The following ITGA2B variants were observed in gnomAD, a reference collection of about 807,000 sequenced individuals.
ITGA2B encodes the protein integrin subunit alpha 2b, also known as integrin alpha-IIb.
A neutral mutation model predicts 142.0 loss-of-function variants in ITGA2B; 91 were observed. That is an observed-to-expected ratio of 0.64 (90% CI 0.54 to 0.76). ITGA2B has a LOEUF of 0.76. Among genes scored for constraint, ITGA2B ranks in the 30% least tolerant of loss-of-function variants. The pLI is 0.00. For synonymous variants in ITGA2B, 536 were observed against 567.2 expected (o/e 0.94, Z 0.78); for missense variants, 1,231 against 1,350.8 (o/e 0.91, Z 1.39).
At chr17:44,384,284 G>A (rs2048623631) in intron 9 of ITGA2B, 27 bp downstream of exon 9, 2 of 1,612,590 alleles carry the variant, frequency 1.2e-6, no homozygotes, top group East Asian at 4.5e-5. Context: ...AAGGGGCTTC[G>A]GGAGGCCCAG....
Position 44,383,479 on chromosome 17 carries a change from C to G in ITGA2B, c.1210+14G>C. 1 of 1,600,558 alleles carries G rather than the reference C, an allele frequency of 6.2e-7. No homozygotes were observed. Among genetic ancestry groups the G allele is most frequent in the Non-Finnish European group, 8.5e-7 (1 of 1,176,942 alleles). On this transcript the variant is annotated intron_variant, in intron 12 of 29. Coordinates refer to ENST00000262407, the MANE Select transcript of ITGA2B (RefSeq NM_000419.5). ...AACCCCTCTGCAGCAAGTAGGGCTC[C>G]TCTCTTCCCTCACCATTGTAGCCAT...
chr17:44,374,367 A>G lies in ITGA2B; in HGVS notation c.3047T>C (p.Leu1016Pro), dbSNP rs755700285. ...GGLLLLTILV[L>P]AMWKVGFFKR... ...TTCACACCTCACCTTCCACATGGCC[A>G]GGACCAGGATGGTGAGCAGCAGCAG... Residue 1016 changes from leucine to proline, a missense_variant, in exon 29 of 30, where the codon CTG becomes CCG. Coordinates refer to ENST00000262407, the MANE Select transcript of ITGA2B (RefSeq NM_000419.5). The G allele has an allele frequency of 6.2e-6, 10 of 1,614,036 alleles. No homozygotes were observed. Among genetic ancestry groups the G allele is most frequent in the Non-Finnish European group, 8.5e-6 (10 of 1,179,936 alleles).
intron 26 of ITGA2B, 167 bp from the exon 27 acceptor site, chr17:44,375,278 G>A: frequency 1.5e-6 from 1 of 688,696 alleles, no homozygotes; most frequent in Non-Finnish European, 2.6e-6. Context: ...GTCTTTCCAC[G>A]GGCTTGCTCA....
chr17:44,376,707 G>A (rs547512350), intron 22 of ITGA2B, among the ~76,000 whole-genome samples: 2 of 151,402 alleles, frequency 1.3e-5, no homozygotes, highest in South Asian at 2.1e-4. Flanking sequence ...TCCCAGGTTC[G>A]GTTCAAGCTA....
At chr17:44,384,014 C>T in intron 10 of ITGA2B, 68 bp from the exon 11 acceptor site, 1 of 1,613,646 alleles carries the variant, frequency 6.2e-7, no homozygotes, top group Non-Finnish European at 8.5e-7. Context: ...TGGGCCCTCA[C>T]CTCCCATGAA....
At position 44,374,984 on chromosome 17, in the gene ITGA2B, A is replaced by G. The variant is rs1353278821; in HGVS notation, c.2841+14T>C. 4.1e-6 allele frequency: 4 copies of G among 980,896 alleles called. No homozygotes were observed. Among genetic ancestry groups the G allele is most frequent in the Middle Eastern group, 3.5e-4 (1 of 2,868 alleles). The allele number at this position is 980,896 out of a possible 1,614,324, so 60.8% of individuals were successfully genotyped here. A position where few individuals can be genotyped will look rare whatever the true frequency, so the allele number is the denominator to read the frequency against. ...CCAGAAGGCCCGGCCCCGCCCCACC[A>G]CGGCCCACCCCACCTGGTAGAGGCT... is the stretch of plus-strand genomic sequence containing the variant. On this transcript the variant is annotated intron_variant, in intron 27 of 29. Transcript: ENST00000262407.
intron 12 of ITGA2B, 48 bp from the exon 13 acceptor site, chr17:44,381,109 C>G (rs750359103): frequency 6.3e-7 from 1 of 1,576,762 alleles, no homozygotes; most frequent in Non-Finnish European, 8.6e-7. Context: ...TTCAGCCTCC[C>G]TAGATGACTG....
At chr17:44,376,714 G>GCTAT (rs2048547421) in intron 22 of ITGA2B, among the ~76,000 whole-genome samples, 1 of 151,576 alleles carries the variant, frequency 6.6e-6, no homozygotes, top group African/African-American at 2.4e-5. Flanking sequence ...TTCGGTTCAA[G>GCTAT]CTATTCTCCT....
chr17:44,385,148 A>C lies in ITGA2B; in HGVS notation c.670+16T>G, dbSNP rs1309142231. ...GGGCCGCGAGAAGGGAGGGAGGTGTACGGATGGGCACGTACCTAAGAAATA... is the reference window on the plus strand; with the variant it reads ...GGGCCGCGAGAAGGGAGGGAGGTGTCCGGATGGGCACGTACCTAAGAAATA... On this transcript the variant is annotated intron_variant, in intron 6 of 29. Coordinates refer to ENST00000262407, the MANE Select transcript of ITGA2B (RefSeq NM_000419.5). 1.2e-6 allele frequency: 2 copies of C among 1,613,872 alleles called. No homozygotes were observed.
intron 1 of ITGA2B, among the ~76,000 whole-genome samples, chr17:44,387,146 C>A (rs978419286): frequency 6.6e-6 from 1 of 152,104 alleles, no homozygotes; most frequent in Non-Finnish European, 1.5e-5. Context: ...GGAGTGGGCA[C>A]AGGAAGGAGT....
In ITGA2B at chr17:44,376,995, C is replaced by T. The variant is rs189174164; in HGVS notation, c.2267+14G>A. The stretch of plus-strand genomic sequence containing the variant: ...GGGAAGGGTGGTGGGTAGGCACGCT[C>T]GCCAGGTCAGTACCTCCGTATCTGC... On this transcript the variant is annotated intron_variant, in intron 22 of 29. Transcript: ENST00000262407. The T allele has an allele frequency of 2.3e-5, 36 of 1,573,944 alleles. No homozygotes were observed. Among genetic ancestry groups the T allele is most frequent in the Middle Eastern group, 1.8e-4 (1 of 5,646 alleles).
chr17:44,386,022 G>A lies in ITGA2B; in HGVS notation c.298C>T (p.Leu100Phe). The A allele has an allele frequency of 6.2e-7, 1 of 1,613,728 alleles. No homozygotes were observed. Among genetic ancestry groups the A allele is most frequent in the Non-Finnish European group, 8.5e-7 (1 of 1,179,974 alleles). The stretch of plus-strand genomic sequence containing the variant: ...GCCTGGGACTCACGGAGGTCAAAGA[G>A]CAGCGAGGGGCACTGGCCGCCCTCG... ...RAEGGQCPSL[L>F]FDLRDETRNV... The change falls in exon 2 of 30, where the codon CTC becomes TTC. Residue 100 changes from leucine (L) to phenylalanine (F), a missense_variant. Transcript: ENST00000262407.
At position 44,380,619 on chromosome 17, in the gene ITGA2B, T is replaced by C; in HGVS notation, c.1420A>G (p.Asn474Asp). 6.2e-7 allele frequency: 1 copy of C among 1,614,202 alleles called. No homozygotes were observed. The change falls in exon 14 of 30, where the codon AAC becomes GAC. Residue 474 changes from asparagine to aspartate, a missense_variant. Asn to Asp is a conservative substitution (Grantham distance 23, BLOSUM62 1). Coordinates refer to ENST00000262407, the MANE Select transcript of ITGA2B (RefSeq NM_000419.5). ...PDLIVGAYGA[N>D]QVAVYRAQPV... is the part of the protein sequence containing the mutation. ...GCTCACCTGTACACAGCCACCTGGT[T>C]GGCCCCGTAAGCTCCCACGATCAGG...
At chr17:44,380,687 A>T in intron 13 of ITGA2B, 42 bp from the exon 14 acceptor site, 1 of 1,613,412 alleles carries the variant, frequency 6.2e-7, no homozygotes, top group Non-Finnish European at 8.5e-7. Flanking sequence ...CGATTAGGGC[A>T]TGGGATCCTC....
Position 44,385,066 on chromosome 17 carries a change from G to A in ITGA2B, c.681C>T (p.Ala227=). Residue 227 remains alanine (A), a synonymous_variant, in exon 7 of 30, where the codon GCC becomes GCT. Coordinates refer to ENST00000262407, the MANE Select transcript of ITGA2B (RefSeq NM_000419.5). ...PGGYYFLGLL[A]QAPVADIFSS... is the part of the protein sequence containing the mutation. ...AGAAAATATCCGCAACTGGAGCCTG[G>A]GCCAGGAGACCTAGGGCGGGAGGGA... 6.2e-7 allele frequency: 1 copy of A among 1,614,150 alleles called. No homozygotes were observed. Among genetic ancestry groups the A allele is most frequent in the Non-Finnish European group, 8.5e-7 (1 of 1,180,030 alleles).
rs2048565311 is a variant in ITGA2B at position 44,378,508 on chromosome 17, T to C, written c.1948A>G (p.Thr650Ala). ...GCCCCAACTAGGAGCGGGGAGCCCGTCCTGTGGGGAAAGAGGAGTGAAGCC... is the reference window on the plus strand; with the variant it reads ...GCCCCAACTAGGAGCGGGGAGCCCGCCCTGTGGGGAAAGAGGAGTGAAGCC... ...VPQLQLTASVTGSPLLVGADN... is the reference protein window; with the variant it reads ...VPQLQLTASVAGSPLLVGADN... The change falls in exon 20 of 30, where the codon ACG becomes GCG. Residue 650 changes from threonine to alanine, a missense_variant and splice_region_variant. This residue lies in a region of ITGA2B where 908 missense variants were observed against 1,021.1 expected (regional missense o/e 0.89). Transcript: ENST00000262407. 4.3e-6 allele frequency: 7 copies of C among 1,613,548 alleles called. No individual in the cohort carries two copies. The highest frequency in any genetic ancestry group is 5.9e-6 in the Non-Finnish European group (7 of 1,179,930).
rs776523537 is a variant in ITGA2B, at chr17:44,380,402, T to C, written c.1528A>G (p.Lys510Glu). The C allele has an allele frequency of 1.4e-5, 22 of 1,614,128 alleles. No individual in the cohort carries two copies. In the South Asian group the frequency reaches 2.1e-4, roughly 15 times the overall value. Residue 510 changes from lysine to glutamate, a missense_variant, in exon 15 of 30, where the codon AAG becomes GAG. Physicochemically the swap from Lys to Glu is moderately conservative, Grantham distance 56. Transcript: ENST00000262407. ...CCTCCTCACCAGCTCACGGGTGTCT[T>C]GGTCTGAGGTAGGACACAGCTCTTC... ...AVKSCVLPQT[K>E]TPVSCFNIQM...
chr17:44,380,398 G>A lies in ITGA2B; in HGVS notation c.1532C>T (p.Thr511Ile), dbSNP rs2048584790. The A allele has an allele frequency of 1.2e-6, 2 of 1,614,060 alleles. No individual in the cohort carries two copies. Among genetic ancestry groups the A allele is most frequent in the South Asian group, 2.2e-5 (2 of 91,090 alleles). The change falls in exon 15 of 30, where the codon ACA becomes ATA. Residue 511 changes from threonine to isoleucine, a missense_variant. By Grantham distance (89) the Thr-to-Ile change is moderately conservative. Transcript: ENST00000262407. The stretch of plus-strand genomic sequence containing the variant: ...TCTGCCTCCTCACCAGCTCACGGGT[G>A]TCTTGGTCTGAGGTAGGACACAGCT... Reference protein sequence around the residue: ...VKSCVLPQTKTPVSCFNIQMC... With the variant: ...VKSCVLPQTKIPVSCFNIQMC...
In ITGA2B at chr17:44,380,101, C is replaced by T. The variant is rs745790113; in HGVS notation, c.1653G>A (p.Arg551=). The change falls in exon 17 of 30, where the codon CGG becomes CGA. Residue 551 remains arginine, a synonymous_variant. Coordinates refer to ENST00000262407, the MANE Select transcript of ITGA2B (RefSeq NM_000419.5). ...CCTGTTGAGAGCCCAGCAGCAGCACCCGCCGGCCCTGGCGGGGCTTCTGCC... is the reference window on the plus strand; with the variant it reads ...CCTGTTGAGAGCCCAGCAGCAGCACTCGCCGGCCCTGGCGGGGCTTCTGCC... The part of the protein sequence containing the change: ...LDRQKPRQGR[R]VLLLGSQQAG... 2 of 1,613,980 alleles carry T rather than the reference C, an allele frequency of 1.2e-6. No homozygotes were observed. The highest frequency in any genetic ancestry group is 2.2e-5 in the South Asian group (2 of 91,078).
Sources: gnomAD v4.1 joint callset for allele counts (sites outside exome capture counted in the v4.1 genomes callset) on GRCh38, gnomAD v4.1.1 for gene constraint, gnomAD v4.1.1 regional missense constraint, MANE v1.5 for transcripts, NCBI Gene and HGNC (gene_info 2026-07-23, HGNC 2026-07-21) for gene names.